Variants in INTS4 observed in about 807,000 individuals in gnomAD.
INTS4 encodes MSTP093.
A neutral mutation model predicts 119.5 loss-of-function variants in INTS4; 70 were observed. The ratio of observed to expected loss-of-function variants is 0.59; its 90% CI spans 0.48 to 0.71. The LOEUF is 0.71. INTS4 is among the 30% of genes least tolerant of loss of function. The probability of loss-of-function intolerance (pLI) is 0.00; values close to 1 mark genes in which losing one functional copy is unlikely to be tolerated. For synonymous variants in INTS4, 316 were observed against 419.6 expected, an observed-to-expected ratio of 0.75 and a Z score of 3.02; for missense variants, 867 against 1,173.2, an observed-to-expected ratio of 0.74 and a Z score of 3.81.
intron 11 of INTS4, 60 bp downstream of exon 11, chr11:77,928,282 C>G: frequency 6.3e-7 from 1 of 1,577,882 alleles, no homozygotes; most frequent in Middle Eastern, 1.7e-4. Context: ...AGCACAATAC[C>G]TGATTTTAAC....
chr11:77,916,348 T>C (rs565687698), intron 15 of INTS4, among the ~76,000 whole-genome samples: 1 of 152,352 alleles, frequency 6.6e-6, no homozygotes. Flanking sequence ...CTGTTGCTCC[T>C]AGGCTACAAA....
chr11:77,960,283 C>A, intron 6 of INTS4, 58 bp downstream of exon 6: 2 of 1,249,418 alleles, frequency 1.6e-6, no homozygotes, highest in South Asian at 1.3e-5. Context: ...ACCTGTGTGC[C>A]GCCCTCCCAG....
At chr11:77,899,084 C>A (rs986900977) in intron 18 of INTS4, among the ~76,000 whole-genome samples, 2 of 152,024 alleles carry the variant, frequency 1.3e-5, no homozygotes, top group Admixed American at 1.3e-4. Context: ...CTTACAATAA[C>A]CCTGTGAGGA....
At chr11:77,988,349 C>T (rs949662520) in intron 2 of INTS4, among the ~76,000 whole-genome samples, 2 of 152,190 alleles carry the variant, frequency 1.3e-5, no homozygotes, top group East Asian at 3.8e-4. Context: ...ATCACAAAAG[C>T]ATCAATTAAT....
At chr11:77,917,128 G>A (rs1458360573) in intron 15 of INTS4, among the ~76,000 whole-genome samples, 1 of 151,978 alleles carries the variant, frequency 6.6e-6, no homozygotes, top group Non-Finnish European at 1.5e-5. Flanking sequence ...TTGTCTACAT[G>A]GGCTCTCTAA....
At chr11:77,893,451 T>C (rs1952364937) in intron 19 of INTS4, among the ~76,000 whole-genome samples, 1 of 151,802 alleles carries the variant, frequency 6.6e-6, no homozygotes, top group Admixed American at 6.6e-5. Context: ...AAAAAAAATA[T>C]ATTAAAAATT....
intron 15 of INTS4, among the ~76,000 whole-genome samples, chr11:77,909,848 A>T (rs150828485): frequency 6.6e-6 from 1 of 152,232 alleles, no homozygotes; most frequent in African/African-American, 2.4e-5. Context: ...AAAAATGCTC[A>T]TCATCACTGG....
intron 22 of INTS4, among the ~76,000 whole-genome samples, chr11:77,881,998 A>AC (rs1413631163): frequency 6.7e-6 from 1 of 150,296 alleles, no homozygotes; most frequent in Admixed American, 6.6e-5. Flanking sequence ...TGCAGCCTTG[A>AC]CCCCCCAGAC....
chr11:77,920,206 C>CACAAATATATAT lies in INTS4; in HGVS notation c.1764+1133_1764+1134insATATATATTTGT, dbSNP rs1555026387. Among the ~76,000 whole-genome samples, 242 of 88,968 alleles carry CACAAATATATAT rather than the reference C, an allele frequency of 2.7e-3. 1 individual carries two copies. The highest frequency in any genetic ancestry group is 3.1e-3 in the Non-Finnish European group (125 of 39,886). The allele number at this position is 88,968 out of a possible 152,430, so 58.4% of individuals were successfully genotyped here. On this transcript the variant is annotated intron_variant, in intron 14 of 22. Transcript: ENST00000534064. Reference sequence around the variant, plus strand: ...ATACACATATATATACATATATATACACACATATATATACACATATACATA... The same window carrying CACAAATATATAT: ...ATACACATATATATACATATATATACACAAATATATATACACATATATATACACATATACATA...
downstream of INTS4, among the ~76,000 whole-genome samples, chr11:77,876,557 T>C (rs1409870540): frequency 6.6e-6 from 1 of 152,158 alleles, no homozygotes; most frequent in Non-Finnish European, 1.5e-5. Flanking sequence ...GCAACAAATT[T>C]GTCAGGAGCT....
At chr11:77,957,463 T>G (rs1384673440) in intron 7 of INTS4, among the ~76,000 whole-genome samples, 1 of 151,216 alleles carries the variant, frequency 6.6e-6, no homozygotes, top group Admixed American at 6.6e-5. Flanking sequence ...GGCATGAGAA[T>G]TGCTTCAACC....
intron 8 of INTS4, 131 bp downstream of exon 8, chr11:77,955,811 G>A: frequency 2.7e-6 from 2 of 745,494 alleles, no homozygotes; most frequent in Non-Finnish European, 4.4e-6. Flanking sequence ...CCAGTCTTTT[G>A]GGAGGCTGAG....
Position 77,991,201 on chromosome 11 carries a change from A to G in INTS4, c.153T>C (p.Asp51=). 1.2e-6 allele frequency: 2 copies of G among 1,614,196 alleles called. No individual in the cohort carries two copies. The highest frequency in any genetic ancestry group is 1.1e-5 in the South Asian group (1 of 91,092). ...CAAACTGGAGCAAGTATTGCAAAGC[A>G]TCTGCTGGGGAGGTAGCTTTACACA... ...IDLCKATSPA[D]ALQYLLQFAR... is the part of the protein sequence containing the mutation. Residue 51 remains aspartate (D), a synonymous_variant, in exon 2 of 23, where the codon GAT becomes GAC. Transcript: ENST00000534064.
intron 21 of INTS4, among the ~76,000 whole-genome samples, chr11:77,886,365 G>C (rs1952005975): frequency 6.6e-6 from 1 of 152,164 alleles, no homozygotes; most frequent in Non-Finnish European, 1.5e-5. Flanking sequence ...GGAAGGAAAT[G>C]GCCAGTATGA....
chr11:77,895,220 T>C (rs1304891371), intron 18 of INTS4, among the ~76,000 whole-genome samples: 1 of 152,192 alleles, frequency 6.6e-6, no homozygotes, highest in Non-Finnish European at 1.5e-5. Flanking sequence ...CTATTTCTTG[T>C]ATGTAATTTC....
chr11:77,962,341 A>C (rs1268630515), intron 4 of INTS4, among the ~76,000 whole-genome samples: 1 of 152,156 alleles, frequency 6.6e-6, no homozygotes, highest in Non-Finnish European at 1.5e-5. Flanking sequence ...TTACACTTCC[A>C]CCAGTGCTGC....
At chr11:77,981,328 T>C (rs947935295) in intron 3 of INTS4, 131 bp downstream of exon 3, 9 of 447,986 alleles carry the variant, frequency 2.0e-5, no homozygotes, top group South Asian at 1.1e-4. Flanking sequence ...AATATGTATA[T>C]ATGGTTTCAT....
Position 77,961,061 on chromosome 11 carries a change from A to T in INTS4, c.549T>A (p.Ser183Arg). 2 of 1,611,180 alleles carry T rather than the reference A, an allele frequency of 1.2e-6. No individual in the cohort carries two copies. The highest frequency in any genetic ancestry group is 2.2e-5 in the East Asian group (1 of 44,780). The change falls in exon 5 of 23, where the codon AGT becomes AGA. Residue 183 changes from serine (S) to arginine (R), a missense_variant. Transcript: ENST00000534064. ...CTAGGCCTTCTGCATCTTTTGTGACACTTTTCTCCAAAGAGCCAAGATTGC... is the reference window on the plus strand; with the variant it reads ...CTAGGCCTTCTGCATCTTTTGTGACTCTTTTCTCCAAAGAGCCAAGATTGC... ...LLGNLGSLEK[S>R]VTKDAEGLAA...
chr11:77,920,200 T>TATATACACAC (rs1953310446), intron 14 of INTS4, among the ~76,000 whole-genome samples: 1 of 147,554 alleles, frequency 6.8e-6, no homozygotes. Flanking sequence ...TATATACATA[T>TATATACACAC]ATATACACAC....
Sources: gnomAD v4.1 joint callset for allele counts (sites outside exome capture counted in the v4.1 genomes callset) on GRCh38, gnomAD v4.1.1 for gene constraint, MANE v1.5 for transcripts, NCBI Gene and HGNC (gene_info 2026-07-23, HGNC 2026-07-21) for gene names.